The following ERC2 variants were observed in gnomAD, a reference collection of about 807,000 sequenced individuals.
The protein encoded by ERC2 is ELKS/RAB6-interacting/CAST family member 2.
ERC2 carries 42 observed loss-of-function variants against 114.8 expected under a neutral mutation model. That is an observed-to-expected ratio of 0.37 (90% CI 0.29 to 0.47). ERC2 has a LOEUF of 0.47. ERC2 is among the 20% of genes least tolerant of loss of function. ERC2 has a pLI of 0.99. For synonymous variants in ERC2, 454 were observed against 425.5 expected (o/e 1.07, Z -0.82); for missense variants, 939 against 1,150.7 (o/e 0.82, Z 2.66).
chr3:55,985,915 T>G, intron 12 of ERC2, 62 bp downstream of exon 12: 1 of 1,427,110 alleles, frequency 7.0e-7, no homozygotes, highest in Non-Finnish European at 9.6e-7. Context: ...GTTAAACAAG[T>G]GCAAGCCATA....
chr3:56,355,225 G>A (rs572662941), intron 2 of ERC2, among the ~76,000 whole-genome samples: 5 of 152,236 alleles, frequency 3.3e-5, no homozygotes, highest in East Asian at 1.9e-4. Context: ...TGGGAGTTAT[G>A]TGTATATTAA....
chr3:56,262,502 C>T (rs565422448), intron 3 of ERC2, among the ~76,000 whole-genome samples: 1 of 152,266 alleles, frequency 6.6e-6, no homozygotes, highest in East Asian at 1.9e-4. Context: ...ATACTTTTGG[C>T]AAACTGATTC....
intron 14 of ERC2, among the ~76,000 whole-genome samples, chr3:55,818,665 C>A (rs1232052280): frequency 1.3e-5 from 2 of 152,120 alleles, no homozygotes; most frequent in Non-Finnish European, 2.9e-5. Flanking sequence ...GCATTGACAC[C>A]ACCAACCACA....
At chr3:56,292,263 G>A (rs946242588) in intron 3 of ERC2, among the ~76,000 whole-genome samples, 6 of 151,942 alleles carry the variant, frequency 3.9e-5, no homozygotes, top group African/African-American at 9.7e-5. Context: ...GTTCTGCCAA[G>A]CACAATTTGG....
At chr3:56,078,018 T>C (rs1194304451) in intron 7 of ERC2, among the ~76,000 whole-genome samples, 1 of 152,080 alleles carries the variant, frequency 6.6e-6, no homozygotes, top group Non-Finnish European at 1.5e-5. Flanking sequence ...CAGCCGGAGA[T>C]TTTAAATGAA....
intron 15 of ERC2, among the ~76,000 whole-genome samples, chr3:55,719,406 A>G (rs1285377570): frequency 6.6e-6 from 1 of 152,218 alleles, no homozygotes; most frequent in Non-Finnish European, 1.5e-5. Context: ...ATTGTTCTAG[A>G]AGCAGAAAAC....
intron 14 of ERC2, among the ~76,000 whole-genome samples, chr3:55,771,107 C>A (rs937883922): frequency 1.3e-5 from 2 of 152,116 alleles, no homozygotes; most frequent in African/African-American, 4.8e-5. Context: ...AATAAACATA[C>A]GTGTGTATGT....
chr3:55,805,867 G>A (rs892330631), intron 14 of ERC2, among the ~76,000 whole-genome samples: 1 of 152,066 alleles, frequency 6.6e-6, no homozygotes, highest in African/African-American at 2.4e-5. Flanking sequence ...ACTGACCAAG[G>A]GCCTACTCAC....
intron 6 of ERC2, among the ~76,000 whole-genome samples, chr3:56,097,130 G>A (rs190895843): frequency 4.1e-4 from 63 of 152,282 alleles, no homozygotes; most frequent in Non-Finnish European, 1.9e-4. Context: ...CAAACTCTGT[G>A]CAAATTTACC....
At chr3:55,594,938 A>G (rs943835097) in intron 17 of ERC2, among the ~76,000 whole-genome samples, 2 of 151,958 alleles carry the variant, frequency 1.3e-5, no homozygotes, top group Non-Finnish European at 2.9e-5. Context: ...TCCCCCCACC[A>G]TAATCATCCT....
chr3:56,344,725 C>A (rs2316895), intron 2 of ERC2, among the ~76,000 whole-genome samples: 42,024 of 152,106 alleles, frequency 0.28, 6,014 homozygotes, highest in Admixed American at 0.31. Context: ...AGTTGATGGC[C>A]TCATGCTCTG....
intron 14 of ERC2, among the ~76,000 whole-genome samples, chr3:55,875,090 C>G (rs771186175): frequency 2.0e-5 from 3 of 152,094 alleles, no homozygotes; most frequent in Non-Finnish European, 4.4e-5. Flanking sequence ...GAAAAATGAC[C>G]AGGAGAGGGG....
chr3:55,686,018 T>A (rs752460083), intron 16 of ERC2, among the ~76,000 whole-genome samples: 12 of 152,248 alleles, frequency 7.9e-5, no homozygotes, highest in Non-Finnish European at 1.6e-4. Context: ...GAATGTGGTC[T>A]AATGCAAATC....
intron 14 of ERC2, among the ~76,000 whole-genome samples, chr3:55,761,794 T>A (rs1236717393): frequency 6.7e-6 from 1 of 149,636 alleles, no homozygotes; most frequent in Non-Finnish European, 1.5e-5. Context: ...GAGAATGGCA[T>A]GAACCCGAGA....
chr3:55,876,762 G>C (rs147641210), intron 14 of ERC2, among the ~76,000 whole-genome samples: 1 of 152,150 alleles, frequency 6.6e-6, no homozygotes, highest in South Asian at 2.1e-4. Context: ...TGATGGAACA[G>C]GTCTTTTGGA....
chr3:55,645,946 A>G (rs2060377026), intron 17 of ERC2, among the ~76,000 whole-genome samples: 1 of 152,200 alleles, frequency 6.6e-6, no homozygotes, highest in African/African-American at 2.4e-5. Context: ...TGTTGCACAT[A>G]GTGGCTGGTG....
At chr3:56,440,115 T>C (rs1364929146) in intron 1 of ERC2, among the ~76,000 whole-genome samples, 1 of 152,166 alleles carries the variant, frequency 6.6e-6, no homozygotes, top group East Asian at 1.9e-4. Context: ...TTATAGAAAA[T>C]TTAGAAAATA....
chr3:55,808,715 AT>A (rs2059589290), intron 14 of ERC2, among the ~76,000 whole-genome samples: 2 of 107,632 alleles, frequency 1.9e-5, no homozygotes, highest in African/African-American at 8.3e-5. Flanking sequence ...ATATATATAT[AT>A]ATATATATAT....
intron 2 of ERC2, among the ~76,000 whole-genome samples, chr3:56,412,699 A>C (rs2060989672): frequency 1.3e-5 from 2 of 152,154 alleles, no homozygotes; most frequent in African/African-American, 4.8e-5. Flanking sequence ...TATACCTCAA[A>C]TTTCTCATCT....
Sources: allele counts gnomAD v4.1 joint callset (sites outside exome capture counted in the v4.1 genomes callset), GRCh38; gene constraint gnomAD v4.1.1; transcripts MANE v1.5; gene names NCBI Gene and HGNC (gene_info 2026-07-23, HGNC 2026-07-21).